Variants in TEX14 observed in about 807,000 individuals in gnomAD.
TEX14 encodes the protein testis expressed 14, intercellular bridge forming factor.
A neutral mutation model predicts 178.6 loss-of-function variants in TEX14; 168 were observed. The observed-to-expected ratio is 0.94, with a 90% CI of 0.83 to 1.07. TEX14 has a LOEUF of 1.07. TEX14 is among the 50% of genes least tolerant of loss of function. TEX14 has a pLI of 0.00. For synonymous variants in TEX14, 626 were observed against 634.1 expected (o/e 0.99, Z 0.19); for missense variants, 1,730 against 1,753.6 (o/e 0.99, Z 0.24).
chr17:58,680,391 T>C (rs78609818), intron 1 of TEX14, among the ~76,000 whole-genome samples: 11 of 152,310 alleles, frequency 7.2e-5, no homozygotes, highest in African/African-American at 2.6e-4. Flanking sequence ...CTTTCAAACA[T>C]GCAGCAAATG....
chr17:58,689,560 T>G (rs1410332356), intron 1 of TEX14, among the ~76,000 whole-genome samples: 1 of 152,164 alleles, frequency 6.6e-6, no homozygotes, highest in Admixed American at 6.6e-5. Flanking sequence ...TTTCAAAAAT[T>G]TTAATGATTT....
chr17:58,688,706 T>A (rs942028940), intron 1 of TEX14, among the ~76,000 whole-genome samples: 3 of 152,210 alleles, frequency 2.0e-5, no homozygotes, highest in African/African-American at 4.8e-5. Flanking sequence ...CAAATCCAAA[T>A]CTGTGTGACT....
In TEX14 at chr17:58,591,948, A is replaced by G. The variant is rs574763249; in HGVS notation, c.2576+1607T>C. 7.2e-5 allele frequency among the ~76,000 whole-genome samples: 11 copies of G among 151,810 alleles called. No individual in the cohort carries two copies. The East Asian group carries it at 2.1e-3, about 30-fold the overall frequency. On this transcript the variant is annotated intron_variant, in intron 15 of 31. Coordinates refer to ENST00000349033, the MANE Select transcript of TEX14 (RefSeq NM_031272.5). ...GTGGTGGGCACCTGTAATCCCAGCT[A>G]CTCAGGAGGCTGAGACAGGAGGATC...
chr17:58,573,236 G>A lies in TEX14; in HGVS notation c.3456C>T (p.Cys1152=), dbSNP rs1461406559. 1 of 1,614,018 alleles carries A rather than the reference G, an allele frequency of 6.2e-7. No homozygotes were observed. Among genetic ancestry groups the A allele is most frequent in the African/African-American group, 1.3e-5 (1 of 74,916 alleles). ...EPDSSFKEAS[C]KTPKINHAPT... The stretch of plus-strand genomic sequence containing the variant: ...GTGCATGGTTTATTTTGGGTGTTTT[G>A]CATGAAGCTTCCTTAAAAGAGCTGT... Residue 1152 remains cysteine, a synonymous_variant, in exon 23 of 32, where the codon TGC becomes TGT. Coordinates refer to ENST00000349033, the MANE Select transcript of TEX14 (RefSeq NM_031272.5).
intron 3 of TEX14, among the ~76,000 whole-genome samples, chr17:58,627,536 G>A (rs1004436077): frequency 6.6e-6 from 1 of 151,938 alleles, no homozygotes; most frequent in Non-Finnish European, 1.5e-5. Flanking sequence ...TTTGGAAGGC[G>A]GAGGCTGGTG....
At chr17:58,617,686 A>T in intron 5 of TEX14, 67 bp from the exon 6 acceptor site, 1 of 1,168,638 alleles carries the variant, frequency 8.6e-7, no homozygotes, top group Non-Finnish European at 1.2e-6. Flanking sequence ...AATAATGCTG[A>T]ACCAAGTTTT....
intron 5 of TEX14, among the ~76,000 whole-genome samples, chr17:58,620,240 AT>A (rs1034084151): frequency 2.0e-5 from 3 of 152,190 alleles, no homozygotes; most frequent in African/African-American, 7.2e-5. Context: ...CGGATAAGGG[AT>A]TTCTAAACCT....
Position 58,630,527 on chromosome 17 carries a change from A to T in TEX14, c.164T>A (p.Leu55Ter). ...CGCAACAAAAAGTGCTGTTTGGCCC[A>T]AGGAGTTAACTGCATCAACATAAAT... ...KGIYVDAVNS[L>*]GQTALFVAAL... The change falls in exon 3 of 32, where the codon TTG becomes TAG. Residue 55 changes from leucine (L) to a stop codon, truncating the protein, a stop_gained. Transcript: ENST00000349033. LOFTEE classifies it high-confidence loss of function. 1 of 1,614,024 alleles carries T rather than the reference A, an allele frequency of 6.2e-7. No individual in the cohort carries two copies.
intron 1 of TEX14, among the ~76,000 whole-genome samples, chr17:58,665,754 A>C (rs2047192346): frequency 1.3e-5 from 2 of 152,030 alleles, no homozygotes; most frequent in Non-Finnish European, 2.9e-5. Context: ...ACAATGAAAA[A>C]AAAAAATAAG....
chr17:58,614,318 T>C (rs2045819558), intron 8 of TEX14, among the ~76,000 whole-genome samples: 1 of 152,112 alleles, frequency 6.6e-6, no homozygotes, highest in Admixed American at 6.6e-5. Flanking sequence ...GATGAAACCC[T>C]GTCTCTACTG....
chr17:58,629,620 T>G (rs2046233106), intron 3 of TEX14, among the ~76,000 whole-genome samples: 2 of 151,874 alleles, frequency 1.3e-5, no homozygotes, highest in South Asian at 4.2e-4. Context: ...GTCAGGAGAT[T>G]GAGACCATCC....
At chr17:58,601,304 C>T (rs1317606334) in intron 13 of TEX14, among the ~76,000 whole-genome samples, 2 of 151,982 alleles carry the variant, frequency 1.3e-5, no homozygotes, top group Non-Finnish European at 2.9e-5. Flanking sequence ...GGGTGGATCA[C>T]GAGGTCAGGA....
intron 5 of TEX14, among the ~76,000 whole-genome samples, chr17:58,620,153 C>T (rs565832448): frequency 3.7e-4 from 56 of 152,102 alleles, no homozygotes; most frequent in Middle Eastern, 3.4e-3. Flanking sequence ...CTCTGAAGGA[C>T]GGGTCTCCAT....
chr17:58,639,824 C>A (rs2046531911), intron 2 of TEX14, among the ~76,000 whole-genome samples: 1 of 152,182 alleles, frequency 6.6e-6, no homozygotes, highest in South Asian at 2.1e-4. Context: ...ACGCTAGGGT[C>A]AGGTCACCAT....
chr17:58,564,795 C>T, intron 28 of TEX14, 74 bp downstream of exon 28: 1 of 873,522 alleles, frequency 1.1e-6, no homozygotes, highest in Non-Finnish European at 1.7e-6. Context: ...TCTTATTTGT[C>T]AATATTAGAA....
intron 19 of TEX14, 79 bp from the exon 20 acceptor site, chr17:58,579,810 G>T: frequency 1.7e-6 from 2 of 1,159,836 alleles, no homozygotes; most frequent in Non-Finnish European, 1.3e-6. Flanking sequence ...ATTTCTTGAT[G>T]TTCTTAAATC....
chr17:58,671,890 CCTAGCCCCATCT>C (rs2047310272), intron 1 of TEX14, among the ~76,000 whole-genome samples: 1 of 152,116 alleles, frequency 6.6e-6, no homozygotes, highest in Non-Finnish European at 1.5e-5. Flanking sequence ...TCACTAGGCC[CCTAGCCCCATCT>C]CTCACCTACT....
In TEX14 at chr17:58,581,477, C is replaced by T. The variant is rs988056839; in HGVS notation, c.3172-1746G>A. 6 of 996,840 alleles carry T rather than the reference C, an allele frequency of 6.0e-6. No individual in the cohort carries two copies. The African/African-American group carries it at 1.0e-4, about 17-fold the overall frequency. 61.7% of individuals were successfully genotyped at this position (996,840 alleles called of 1,614,324 possible). On this transcript the variant is annotated intron_variant, in intron 19 of 31. Transcript: ENST00000349033. Reference sequence around the variant, plus strand: ...TGAATGCATGGGTTCATATCACACTCCTGACACCAAAAAAGGTATAAAAAA... The same window carrying T: ...TGAATGCATGGGTTCATATCACACTTCTGACACCAAAAAAGGTATAAAAAA...
At chr17:58,663,048 G>A (rs2047144515) in intron 1 of TEX14, among the ~76,000 whole-genome samples, 1 of 151,506 alleles carries the variant, frequency 6.6e-6, no homozygotes, top group African/African-American at 2.4e-5. Flanking sequence ...GGCAGAGGTT[G>A]CAGTGAGCCG....
Sources: allele counts gnomAD v4.1 joint callset (sites outside exome capture counted in the v4.1 genomes callset), GRCh38; gene constraint gnomAD v4.1.1; transcripts MANE v1.5; gene names NCBI Gene and HGNC (gene_info 2026-07-23, HGNC 2026-07-21).